The following DIABLO variants were observed in gnomAD, a reference collection of about 807,000 sequenced individuals.
DIABLO encodes the protein diablo IAP-binding mitochondrial protein.
DIABLO carries 32 observed loss-of-function variants against 31.7 expected under a neutral mutation model. The ratio of observed to expected loss-of-function variants is 1.01; its 90% CI spans 0.76 to 1.35. The LOEUF is 1.35. DIABLO is among the 40% of genes most tolerant of loss of function. The pLI, the probability that DIABLO is intolerant of heterozygous loss-of-function variation, is 0.00. For missense variants in DIABLO, 316 were observed against 286.4 expected (o/e 1.10, Z -0.75); for synonymous variants, 132 against 103.2 (o/e 1.28, Z -1.69).
At chr12:122,224,741 G>A (rs765169952) in intron 1 of DIABLO, 97 bp from the exon 2 acceptor site, 1 of 1,610,838 alleles carries the variant, frequency 6.2e-7, no homozygotes, top group Admixed American at 1.7e-5. Context: ...CTCGAGCCAA[G>A]CAGGAACCTA....
chr12:122,216,926 T>C, intron 3 of DIABLO, 57 bp from the exon 4 acceptor site: 1 of 1,436,502 alleles, frequency 7.0e-7, no homozygotes, highest in Non-Finnish European at 9.8e-7. Context: ...TCAGAAGGAA[T>C]AGAGAGATTT....
chr12:122,208,346 ACT>A lies in DIABLO; in HGVS notation c.*33_*34del, dbSNP rs766266173. The A allele has an allele frequency of 8.7e-6, 14 of 1,608,940 alleles. No homozygotes were observed. In the Middle Eastern group the frequency reaches 1.8e-3, roughly 206 times the overall value. On this transcript the variant is annotated 3_prime_UTR_variant, in exon 6 of 6. Coordinates refer to ENST00000464942, the MANE Select transcript of DIABLO (RefSeq NM_001371333.1). ...GGTGGCATCTGCCCCTGCTTTCCCC[ACT>A]GAGTGGGGAGACAGGGCAGTGTGCT... is the stretch of plus-strand genomic sequence containing the variant.
chr12:122,226,426 G>T, upstream of DIABLO: 1 of 684,680 alleles, frequency 1.5e-6, no homozygotes, highest in Non-Finnish European at 2.6e-6. Flanking sequence ...CGGCGACGGC[G>T]CTGTCACTTC....
At chr12:122,208,687 A>ACTTTCCTTGACCTCCCTGT (rs1954000801) in intron 5 of DIABLO, 110 bp from the exon 6 acceptor site, 2 of 1,053,372 alleles carry the variant, frequency 1.9e-6, no homozygotes, top group Non-Finnish European at 2.8e-6. Flanking sequence ...TCTTGGGGTC[A>ACTTTCCTTGACCTCCCTGT]CTTTCCTTGA....
rs2136096373 is a variant in DIABLO, at chr12:122,216,859, G to A, written c.326C>T (p.Thr109Ile). The change falls in exon 4 of 6, where the codon ACC (threonine) becomes ATC (isoleucine). Residue 109 changes from threonine to isoleucine, a missense_variant. Coordinates refer to ENST00000464942, the MANE Select transcript of DIABLO (RefSeq NM_001371333.1). ...ATATTGTCGGTAAAGAGAAGTTAAGGTATAAACAGCCTACAAATAGAGAAT... is the reference window on the plus strand; with the variant it reads ...ATATTGTCGGTAAAGAGAAGTTAAGATATAAACAGCCTACAAATAGAGAAT... ...AITEYTKAVY[T>I]LTSLYRQYTS... The A allele has an allele frequency of 6.2e-7, 1 of 1,613,030 alleles. No homozygotes were observed. Among genetic ancestry groups the A allele is most frequent in the Non-Finnish European group, 8.5e-7 (1 of 1,179,150 alleles).
At chr12:122,209,520 C>T (rs1954029379) in intron 5 of DIABLO, among the ~76,000 whole-genome samples, 1 of 152,008 alleles carries the variant, frequency 6.6e-6, no homozygotes, top group Non-Finnish European at 1.5e-5. Flanking sequence ...AAAAAAGTAG[C>T]TGGGTGTGGC....
At chr12:122,219,870 A>G (rs1250312237) in intron 2 of DIABLO, among the ~76,000 whole-genome samples, 1 of 151,516 alleles carries the variant, frequency 6.6e-6, no homozygotes, top group Non-Finnish European at 1.5e-5. Flanking sequence ...TTCGCCAAAA[A>G]AAAAAAAAGT....
At chr12:122,218,144 T>A in intron 3 of DIABLO, 122 bp downstream of exon 3, 1 of 1,233,578 alleles carries the variant, frequency 8.1e-7, no homozygotes, top group Non-Finnish European at 1.2e-6. Context: ...TGACAACACA[T>A]AAACAAATAG....
At chr12:122,223,657 CT>C (rs1250049437) in intron 2 of DIABLO, among the ~76,000 whole-genome samples, 5 of 152,180 alleles carry the variant, frequency 3.3e-5, no homozygotes, top group Non-Finnish European at 5.9e-5. Context: ...TGAGTTCCTT[CT>C]GCCTGGCAAG....
chr12:122,216,328 T>C (rs1456259450), intron 5 of DIABLO, among the ~76,000 whole-genome samples, 160 bp downstream of exon 5: 1 of 152,200 alleles, frequency 6.6e-6, no homozygotes, highest in Non-Finnish European at 1.5e-5. Context: ...GCAAATAAAA[T>C]GTAGGTTAAT....
rs751617519 is a variant in DIABLO, at chr12:122,209,688, T to G, written c.524-1111A>C. ...CCCCCAAAAAAAAAAATGAGCTCTC[T>G]CATTTTACCTGCTGCTAGTTAGTGT... On this transcript the variant is annotated intron_variant, in intron 5 of 5. Coordinates refer to ENST00000464942, the MANE Select transcript of DIABLO (RefSeq NM_001371333.1). The G allele has an allele frequency of 2.0e-5, 14 of 683,826 alleles. No homozygotes were observed. The South Asian group carries it at 2.2e-4, about 11-fold the overall frequency. 42.4% of individuals were successfully genotyped at this position (683,826 alleles called of 1,614,324 possible).
chr12:122,215,102 G>A (rs1954177814), intron 5 of DIABLO, among the ~76,000 whole-genome samples: 2 of 152,140 alleles, frequency 1.3e-5, no homozygotes, highest in Non-Finnish European at 2.9e-5. Flanking sequence ...CTGAAGTGAG[G>A]AACAACATGA....
chr12:122,208,587 G>A lies in DIABLO; in HGVS notation c.524-10C>T. 1 of 1,611,232 alleles carries A rather than the reference G, an allele frequency of 6.2e-7. No individual in the cohort carries two copies. The highest frequency in any genetic ancestry group is 8.5e-7 in the Non-Finnish European group (1 of 1,179,948). On this transcript the variant is annotated splice_polypyrimidine_tract_variant and intron_variant, in intron 5 of 5. Transcript: ENST00000464942. ...GAGGCCTGATCTGCGCCTGCCAAAA[G>A]ATGGGACAATCGGGTTGAGCAGCCG...
chr12:122,222,456 A>T (rs1954353416), intron 2 of DIABLO: 1 of 152,188 alleles, frequency 6.6e-6, no homozygotes, highest in African/African-American at 2.4e-5. Context: ...CAAAAAAATT[A>T]GCAGGGTGTG....
intron 2 of DIABLO, among the ~76,000 whole-genome samples, chr12:122,223,261 C>G (rs1954373555): frequency 6.6e-6 from 1 of 151,554 alleles, no homozygotes; most frequent in Non-Finnish European, 1.5e-5. Flanking sequence ...ATGGAGAAAC[C>G]CCATCTCTAC....
intron 5 of DIABLO, among the ~76,000 whole-genome samples, chr12:122,211,197 C>T (rs1262993501): frequency 2.0e-5 from 3 of 147,196 alleles, no homozygotes; most frequent in African/African-American, 5.0e-5. Context: ...CTCAGGAGTT[C>T]GAGACTAGCC....
chr12:122,218,138 A>G (rs539612976), intron 3 of DIABLO, 128 bp downstream of exon 3: 11 of 1,154,572 alleles, frequency 9.5e-6, no homozygotes, highest in Middle Eastern at 2.6e-4. Context: ...CGTTATTGAC[A>G]ACACATAAAC....
At chr12:122,225,376 G>C (rs1328011064) in intron 1 of DIABLO, 5 of 989,504 alleles carry the variant, frequency 5.1e-6, no homozygotes, top group East Asian at 1.1e-4. Flanking sequence ...GACAGAGGCA[G>C]ATCTTGTCTC....
At chr12:122,225,934 T>C in intron 1 of DIABLO, 31 bp downstream of exon 1, 2 of 1,573,688 alleles carry the variant, frequency 1.3e-6, no homozygotes, top group East Asian at 2.3e-5. Context: ...CTCCCTCTGG[T>C]CCTGTCCCCT....
Sources: allele counts gnomAD v4.1 joint callset (sites outside exome capture counted in the v4.1 genomes callset), GRCh38; gene constraint gnomAD v4.1.1; transcripts MANE v1.5; gene names NCBI Gene and HGNC (gene_info 2026-07-23, HGNC 2026-07-21).